Variants in HNRNPUL1 observed in about 807,000 individuals in gnomAD.
The protein encoded by HNRNPUL1 is heterogeneous nuclear ribonucleoprotein U like 1.
HNRNPUL1 carries 14 observed loss-of-function variants against 108.5 expected under a neutral mutation model. The ratio of observed to expected loss-of-function variants is 0.13; its 90% CI spans 0.09 to 0.20. The LOEUF (loss-of-function observed/expected upper bound fraction) is 0.20. Among genes scored for constraint, HNRNPUL1 ranks in the 10% least tolerant of loss-of-function variants. The pLI is 1.00. For synonymous variants in HNRNPUL1, 422 were observed against 445.2 expected, an observed-to-expected ratio of 0.95 and a Z score of 0.66; for missense variants, 804 against 1,168.3, an observed-to-expected ratio of 0.69 and a Z score of 4.55.
intron 7 of HNRNPUL1, among the ~76,000 whole-genome samples, chr19:41,290,196 TTCATA>T (rs1891478913): frequency 6.6e-6 from 1 of 152,274 alleles, no homozygotes; most frequent in South Asian, 2.1e-4. Flanking sequence ...AAATTATACT[TTCATA>T]TCAGAAAGCG....
chr19:41,279,389 A>G (rs1267109426), intron 6 of HNRNPUL1, among the ~76,000 whole-genome samples: 1 of 152,238 alleles, frequency 6.6e-6, no homozygotes, highest in Non-Finnish European at 1.5e-5. Flanking sequence ...TCTGTGAAGA[A>G]TCAATTCTTA....
At chr19:41,276,066 G>A in intron 4 of HNRNPUL1, 93 bp from the exon 5 acceptor site, 1 of 1,535,004 alleles carries the variant, frequency 6.5e-7, no homozygotes. Context: ...TCGCACCATT[G>A]CACTCCAGCC....
Position 41,279,131 on chromosome 19 carries a change from G to A in HNRNPUL1, c.841G>A (p.Val281Met). Reference sequence around the variant, plus strand: ...TCCGTCTACAGAGCCTGACCCCCACGTGGTCCGTATCGGCTGGTCCCTGGA... The same window carrying A: ...TCCGTCTACAGAGCCTGACCCCCACATGGTCCGTATCGGCTGGTCCCTGGA... ...HLPSTEPDPH[V>M]VRIGWSLDSC... Residue 281 changes from valine to methionine, a missense_variant, in exon 6 of 15, where the codon GTG becomes ATG. Val to Met is a conservative substitution (Grantham distance 21). This residue lies in a region of HNRNPUL1 where 174 missense variants were observed against 296.6 expected (regional missense o/e 0.59). Transcript: ENST00000392006. 6.2e-7 allele frequency: 1 copy of A among 1,613,996 alleles called. No individual in the cohort carries two copies. The highest frequency in any genetic ancestry group is 8.5e-7 in the Non-Finnish European group (1 of 1,180,006).
rs762181626 is a variant in HNRNPUL1 at position 41,302,892 on chromosome 19, C to T, written c.1915C>T (p.Arg639Cys). ...AAACCGAGGACCCCCTGGAGGCAAC[C>T]GTGGCGGCTTCCAGAACCGAGGGGG... ...YENRGPPGGN[R>C]GGFQNRGGGS... is the part of the protein sequence containing the mutation. The change falls in exon 12 of 15, where the codon CGT (arginine) becomes TGT (cysteine). Residue 639 changes from arginine (R) to cysteine (C), a missense_variant. By Grantham distance (180) the Arg-to-Cys change is radical. Transcript: ENST00000392006. The T allele has an allele frequency of 1.0e-5, 16 of 1,541,528 alleles. No individual in the cohort carries two copies. Among genetic ancestry groups the T allele is most frequent in the East Asian group, 2.3e-5 (1 of 44,344 alleles).
Position 41,274,990 on chromosome 19 carries a change from G to A in HNRNPUL1, c.646+935G>A, listed in dbSNP as rs568016717. ...TGACGGTCAGCCTTTAGAGAAAGGA[G>A]AGCGCCTCATGGGAGGGATGGTCAG... On this transcript the variant is annotated intron_variant, in intron 4 of 14. Coordinates refer to ENST00000392006, the MANE Select transcript of HNRNPUL1 (RefSeq NM_007040.6). Among the ~76,000 whole-genome samples the A allele has an allele frequency of 2.6e-5, 4 of 152,310 alleles. No homozygotes were observed. In the South Asian group the frequency reaches 8.3e-4, roughly 32 times the overall value.
intron 13 of HNRNPUL1, among the ~76,000 whole-genome samples, chr19:41,304,803 A>C (rs1243971461): frequency 2.0e-5 from 3 of 152,314 alleles, no homozygotes; most frequent in African/African-American, 7.2e-5. Context: ...AGAGGTTTTC[A>C]GTTATCGCAC....
chr19:41,267,753 C>A (rs1443485512), intron 1 of HNRNPUL1, among the ~76,000 whole-genome samples: 3 of 152,224 alleles, frequency 2.0e-5, no homozygotes. Context: ...TGCTGCCCAT[C>A]CTAGCTTTCT....
At chr19:41,275,580 AG>A (rs1471351534) in intron 4 of HNRNPUL1, among the ~76,000 whole-genome samples, 1 of 152,126 alleles carries the variant, frequency 6.6e-6, no homozygotes, top group African/African-American at 2.4e-5. Context: ...ACAATTTCTG[AG>A]GATACCCCTG....
intron 10 of HNRNPUL1, among the ~76,000 whole-genome samples, chr19:41,297,390 G>A (rs951445058): frequency 6.6e-6 from 1 of 152,198 alleles, no homozygotes; most frequent in Admixed American, 6.5e-5. Flanking sequence ...TCATGGTTAG[G>A]TTTTCATCCG....
rs771921721 is a variant in HNRNPUL1, at chr19:41,306,578, AGAGGCTCCCG to A, written c.*19_*28del. On this transcript the variant is annotated 3_prime_UTR_variant, in exon 15 of 15. Transcript: ENST00000392006. ...AAGTACACAGTAGCCAGTGTGACCC[AGAGGCTCCCG>A]GAGGCCCCTGCCGGCTTCCTCCACC... 3.4e-6 allele frequency: 5 copies of A among 1,472,958 alleles called. No individual in the cohort carries two copies. The highest frequency in any genetic ancestry group is 4.5e-6 in the Non-Finnish European group (5 of 1,104,962). 91.2% of individuals were successfully genotyped at this position (1,472,958 alleles called of 1,614,324 possible). A position where few individuals can be genotyped will look rare whatever the true frequency, so the allele number is the denominator to read the frequency against.
At chr19:41,298,759 C>T (rs1248927403) in intron 10 of HNRNPUL1, 3 of 152,230 alleles carry the variant, frequency 2.0e-5, no homozygotes, top group African/African-American at 7.2e-5. Flanking sequence ...CACCTCCATT[C>T]CTCTCATCCC....
At chr19:41,265,392 G>A (rs932098311) in intron 1 of HNRNPUL1, 3 of 1,513,092 alleles carry the variant, frequency 2.0e-6, no homozygotes, top group Admixed American at 2.0e-5. Flanking sequence ...TGTGGCTGGG[G>A]AGGGTCCTAA....
intron 7 of HNRNPUL1, among the ~76,000 whole-genome samples, chr19:41,284,364 A>G (rs1011071264): frequency 6.6e-6 from 1 of 152,298 alleles, no homozygotes; most frequent in Middle Eastern, 3.4e-3. Context: ...TGCACTTTTT[A>G]TCATATATTG....
rs749401440 is a variant in HNRNPUL1, at chr19:41,304,134, C to T, written c.2135C>T (p.Pro712Leu). The change falls in exon 13 of 15, where the codon CCG becomes CTG. Residue 712 changes from proline to leucine, a missense_variant. Physicochemically the swap from Pro to Leu is moderately conservative, Grantham distance 98. Around this residue, in one of 4 missense-constraint regions of HNRNPUL1, gnomAD observed 294 missense variants for 388.3 expected, o/e 0.76. Transcript: ENST00000392006. ...PPPQPPPQQP[P>L]PPPSYSPARN... ...CCACAGCCACCACCCCAGCAGCCAC[C>T]GCCACCACCCAGCTACAGCCCTGCT... is the stretch of plus-strand genomic sequence containing the variant. The T allele has an allele frequency of 5.0e-6, 8 of 1,614,080 alleles. 1 individual carries two copies. In the East Asian group the frequency reaches 1.6e-4, roughly 31 times the overall value.
Position 41,306,517 on chromosome 19 carries a change from C to T in HNRNPUL1, c.2523C>T (p.Asp841=), listed in dbSNP as rs759703645. 3.1e-6 allele frequency: 5 copies of T among 1,606,636 alleles called. No homozygotes were observed. Among genetic ancestry groups the T allele is most frequent in the Admixed American group, 1.7e-5 (1 of 58,862 alleles). The part of the protein sequence containing the change: ...GQWPPYYGNY[D]YGSYSGNTQG... ...GGCCGCCATACTACGGGAACTACGACTACGGGAGCTACTCCGGGAACACAC... is the reference window on the plus strand; with the variant it reads ...GGCCGCCATACTACGGGAACTACGATTACGGGAGCTACTCCGGGAACACAC... Residue 841 remains aspartate, a synonymous_variant, in exon 15 of 15, where the codon GAC becomes GAT. Coordinates refer to ENST00000392006, the MANE Select transcript of HNRNPUL1 (RefSeq NM_007040.6).
chr19:41,282,692 CTT>C (rs57909999), intron 7 of HNRNPUL1, among the ~76,000 whole-genome samples: 11 of 141,392 alleles, frequency 7.8e-5, no homozygotes, highest in Non-Finnish European at 1.1e-4. Context: ...TTCTTTTTTT[CTT>C]TTTTTTTTTT....
chr19:41,300,575 C>T (rs1287590526), intron 10 of HNRNPUL1, among the ~76,000 whole-genome samples: 2 of 152,146 alleles, frequency 1.3e-5, no homozygotes, highest in East Asian at 1.9e-4. Flanking sequence ...TAAGTAGTGT[C>T]CTCGTGATTC....
At chr19:41,273,351 A>G (rs775712527) in intron 3 of HNRNPUL1, among the ~76,000 whole-genome samples, 24 of 152,244 alleles carry the variant, frequency 1.6e-4, no homozygotes, top group Non-Finnish European at 3.5e-4. Flanking sequence ...GACCACCCAG[A>G]CTGTCCAGGC....
intron 2 of HNRNPUL1, among the ~76,000 whole-genome samples, chr19:41,270,093 C>T (rs2035129133): frequency 6.6e-6 from 1 of 152,190 alleles, no homozygotes; most frequent in Non-Finnish European, 1.5e-5. Flanking sequence ...AGCGATTCTC[C>T]TGCCTCAGCC....
Sources: allele counts gnomAD v4.1 joint callset (sites outside exome capture counted in the v4.1 genomes callset), GRCh38; gene constraint gnomAD v4.1.1; regional missense constraint gnomAD v4.1.1; transcripts MANE v1.5; gene names NCBI Gene and HGNC (gene_info 2026-07-23, HGNC 2026-07-21).